PTPA: variants seen among roughly 807,000 people sequenced by gnomAD.
PTPA encodes the protein protein phosphatase 2 phosphatase activator, also known as serine/threonine-protein phosphatase 2A activator.
PTPA carries 13 observed loss-of-function variants against 43.6 expected under a neutral mutation model. The ratio of observed to expected loss-of-function variants is 0.30; its 90% CI spans 0.19 to 0.47. The LOEUF (loss-of-function observed/expected upper bound fraction) is 0.47, where lower values mean the gene tolerates loss of function less well. PTPA is among the 20% of genes least tolerant of loss of function. The probability of loss-of-function intolerance (pLI) is 0.99; values close to 1 mark genes in which losing one functional copy is unlikely to be tolerated. For synonymous variants in PTPA, 172 were observed against 158.2 expected, an observed-to-expected ratio of 1.09 and a Z score of -0.66; for missense variants, 329 against 411.9, an observed-to-expected ratio of 0.80 and a Z score of 1.74.
In PTPA at chr9:129,148,694, G is replaced by C. The variant is rs1447984914; in HGVS notation, c.*1230G>C. The C allele has an allele frequency of 1.3e-5, 2 of 152,832 alleles. No individual in the cohort carries two copies. The highest frequency in any genetic ancestry group is 3.9e-4 in the East Asian group (2 of 5,194). The allele number at this position is 152,832 out of a possible 1,614,324, so 9.5% of individuals were successfully genotyped here. ...CTCCACTGCCCCCTCCTGTGTCTGG[G>C]TCCACACACCCTTCAGGAAGGGGGA... On this transcript the variant is annotated 3_prime_UTR_variant, in exon 10 of 10. Transcript: ENST00000393370.
intron 7 of PTPA, among the ~76,000 whole-genome samples, chr9:129,137,308 T>C (rs17455845): frequency 0.066 from 10,044 of 152,216 alleles, 458 homozygotes; most frequent in South Asian, 0.12. Flanking sequence ...GTAGGTGTGG[T>C]AATTGTTGTC....
chr9:129,111,152 G>A (rs1458417369), upstream of PTPA: 6 of 1,239,352 alleles, frequency 4.8e-6, no homozygotes, highest in African/African-American at 3.1e-5. Flanking sequence ...GTTAGGGTCA[G>A]TACCACCCAC....
At chr9:129,145,683 G>A (rs539060269) in intron 9 of PTPA, among the ~76,000 whole-genome samples, 5 of 152,270 alleles carry the variant, frequency 3.3e-5, no homozygotes, top group South Asian at 4.2e-4. Flanking sequence ...CTTTCTGACC[G>A]AAGAACCAAG....
In PTPA at chr9:129,148,279, CAGGG is replaced by C. The variant is rs1339086582; in HGVS notation, c.*820_*823del. On this transcript the variant is annotated 3_prime_UTR_variant, in exon 10 of 10. Coordinates refer to ENST00000393370, the MANE Select transcript of PTPA (RefSeq NM_178000.3). ...CATGTCTTTCCAGAACTTTCCCTGGCAGGGAGGGGATGGCAGAAACTCAGGGAGG... is the reference window on the plus strand; with the variant it reads ...CATGTCTTTCCAGAACTTTCCCTGGCAGGGGATGGCAGAAACTCAGGGAGG... 1 of 152,536 alleles carries C rather than the reference CAGGG, an allele frequency of 6.6e-6. No individual in the cohort carries two copies. The highest frequency in any genetic ancestry group is 6.5e-5 in the Admixed American group (1 of 15,296). 9.4% of individuals were successfully genotyped at this position (152,536 alleles called of 1,614,324 possible).
chr9:129,143,528 G>C (rs1316428993), intron 9 of PTPA: 2 of 687,752 alleles, frequency 2.9e-6, no homozygotes, highest in Admixed American at 4.2e-5. Flanking sequence ...GGGACAACGG[G>C]GAAGGGTGCC....
At chr9:129,111,189 A>G, upstream of PTPA, 1 of 1,113,800 alleles carries the variant, frequency 9.0e-7, no homozygotes, top group Non-Finnish European at 1.2e-6. Context: ...ACTCCGGGAC[A>G]GGAGACTGTC....
intron 9 of PTPA, among the ~76,000 whole-genome samples, chr9:129,146,841 C>T (rs1212054522): frequency 6.6e-6 from 1 of 152,178 alleles, no homozygotes; most frequent in East Asian, 1.9e-4. Context: ...GCTCTTTTTC[C>T]CCTGCCCCCC....
intron 1 of PTPA, among the ~76,000 whole-genome samples, chr9:129,120,086 C>T (rs904813931): frequency 2.6e-5 from 4 of 152,070 alleles, no homozygotes; most frequent in African/African-American, 4.8e-5. Flanking sequence ...GGTGAAACCC[C>T]GTCTCTACTA....
Position 129,111,436 on chromosome 9 carries a change from G to A in PTPA, c.-165G>A, listed in dbSNP as rs1243161985. On this transcript the variant is annotated 5_prime_UTR_variant, in exon 1 of 10. Transcript: ENST00000393370. ...CCGCACCGACATGGCGGCCGTCTTCGCTGTGGTGACTTTAACTCTCGGTTT... is the reference window on the plus strand; with the variant it reads ...CCGCACCGACATGGCGGCCGTCTTCACTGTGGTGACTTTAACTCTCGGTTT... The A allele has an allele frequency of 1.5e-5, 19 of 1,251,636 alleles. No individual in the cohort carries two copies. The highest frequency in any genetic ancestry group is 3.9e-5 in the South Asian group (1 of 25,440). 77.5% of individuals were successfully genotyped at this position (1,251,636 alleles called of 1,614,324 possible). A position where few individuals can be genotyped will look rare whatever the true frequency, so the allele number is the denominator to read the frequency against.
chr9:129,136,573 C>T lies in PTPA; in HGVS notation c.663C>T (p.Ile221=). 6.2e-7 allele frequency: 1 copy of T among 1,613,484 alleles called. No homozygotes were observed. Among genetic ancestry groups the T allele is most frequent in the South Asian group, 1.1e-5 (1 of 90,968 alleles). Residue 221 remains isoleucine (I), a synonymous_variant, in exon 7 of 10, where the codon ATC becomes ATT. Transcript: ENST00000393370. ...ATGACTTCCAGTTTCTGCCCTTCAT[C>T]TGGGGCAGTTCGCAGCTGATAGGTA... is the stretch of plus-strand genomic sequence containing the variant. ...GLDDFQFLPF[I]WGSSQLIDHP... is the part of the protein sequence containing the mutation.
At chr9:129,143,113 C>T (rs1851015794) in intron 9 of PTPA, 4 of 628,216 alleles carry the variant, frequency 6.4e-6, no homozygotes, top group South Asian at 2.0e-5. Flanking sequence ...AGAGCTGAGG[C>T]TTCCTGGAGC....
At chr9:129,142,411 C>T (rs773795704) in intron 8 of PTPA, 34 bp from the exon 9 acceptor site, 36 of 1,536,868 alleles carry the variant, frequency 2.3e-5, no homozygotes, top group Non-Finnish European at 2.9e-5. Context: ...CCAGCCAGAA[C>T]CTGTCTCTTC....
At chr9:129,126,989 T>A (rs1270182733) in intron 3 of PTPA, among the ~76,000 whole-genome samples, 1 of 152,168 alleles carries the variant, frequency 6.6e-6, no homozygotes, top group Non-Finnish European at 1.5e-5. Context: ...GGGGCCAAGA[T>A]GACTGTGCCA....
chr9:129,137,717 G>C, intron 8 of PTPA, 25 bp downstream of exon 8: 41 of 1,528,024 alleles, frequency 2.7e-5, no homozygotes, highest in Non-Finnish European at 3.4e-5. Flanking sequence ...TGAGAGAGAA[G>C]CCCATGGCTG....
intron 2 of PTPA, 139 bp from the exon 3 acceptor site, chr9:129,122,913 C>T (rs1849341837): frequency 3.1e-6 from 2 of 653,488 alleles, no homozygotes; most frequent in Non-Finnish European, 5.5e-6. Flanking sequence ...TTCTGCTTCT[C>T]CTGCTATTGG....
chr9:129,128,420 C>T (rs1849722938), intron 3 of PTPA, among the ~76,000 whole-genome samples: 10 of 151,796 alleles, frequency 6.6e-5, no homozygotes, highest in Admixed American at 6.6e-4. Context: ...CCTTTAGTCC[C>T]AGCTACTTGG....
At position 129,137,704 on chromosome 9, in the gene PTPA, G is replaced by C; in HGVS notation, c.786+12G>C. ...TGTTTATTACCGAGGTGAGGAGGAG[G>C]GGTGAGAGAGAAGCCCATGGCTGCC... On this transcript the variant is annotated intron_variant, in intron 8 of 9. Coordinates refer to ENST00000393370, the MANE Select transcript of PTPA (RefSeq NM_178000.3). The C allele has an allele frequency of 6.3e-7, 1 of 1,578,576 alleles. No individual in the cohort carries two copies. The highest frequency in any genetic ancestry group is 8.7e-7 in the Non-Finnish European group (1 of 1,155,626).
chr9:129,136,979 A>G (rs1470242202), intron 7 of PTPA, among the ~76,000 whole-genome samples: 1 of 152,096 alleles, frequency 6.6e-6, no homozygotes, highest in Non-Finnish European at 1.5e-5. Context: ...ATCCACTGTT[A>G]TTATCGAGCT....
intron 1 of PTPA, among the ~76,000 whole-genome samples, chr9:129,120,116 G>A (rs1310429377): frequency 1.3e-5 from 2 of 152,286 alleles, no homozygotes; most frequent in African/African-American, 4.8e-5. Flanking sequence ...AAATTAGCTA[G>A]GCATGGTGAC....
Sources: allele counts gnomAD v4.1 joint callset (sites outside exome capture counted in the v4.1 genomes callset), GRCh38; gene constraint gnomAD v4.1.1; transcripts MANE v1.5; gene names NCBI Gene and HGNC (gene_info 2026-07-23, HGNC 2026-07-21).